CYSRT1: variants seen among roughly 807,000 people sequenced by gnomAD.
CYSRT1 encodes cysteine-rich tail protein 1.
A neutral mutation model predicts 6.2 loss-of-function variants in CYSRT1; 7 were observed. The observed-to-expected ratio is 1.13, with a 90% confidence interval of 0.64 to 2.13. The LOEUF is 2.13. Ranked by LOEUF, CYSRT1 falls within the 30% of genes most tolerant of loss-of-function variation. The pLI, the probability that CYSRT1 is intolerant of heterozygous loss-of-function variation, is 0.00. For synonymous variants in CYSRT1, 75 were observed against 83.1 expected, an observed-to-expected ratio of 0.90 and a Z score of 0.53; for missense variants, 188 against 196.4, an observed-to-expected ratio of 0.96 and a Z score of 0.26.
Position 137,225,803 on chromosome 9 carries a change from C to T in CYSRT1, c.182C>T (p.Thr61Ile). The T allele has an allele frequency of 6.5e-7, 1 of 1,549,582 alleles. No homozygotes were observed. Among genetic ancestry groups the T allele is most frequent in the East Asian group, 2.4e-5 (1 of 40,924 alleles). The change falls in exon 2 of 2, where the codon ACC becomes ATC. Residue 61 changes from threonine to isoleucine, a missense_variant. Coordinates refer to ENST00000650725, the MANE Select transcript of CYSRT1 (RefSeq NM_199001.5). ...GAGCCAACCCACCTCTTGCAGCCGA[C>T]CGAGGTCCCAGGGCCCAAGGGCGCC... The part of the protein sequence containing the change: ...APEPTHLLQP[T>I]EVPGPKGAKG...
chr9:137,226,209 G>T lies in CYSRT1; in HGVS notation c.*153G>T, dbSNP rs764127077. ...GCTCAGACCCACCAGGAAGGTGGCC[G>T]TTCAGCCCGAGCTCCTGAAACGGAA... On this transcript the variant is annotated 3_prime_UTR_variant, in exon 2 of 2. Transcript: ENST00000650725. The T allele has an allele frequency of 1.4e-6, 2 of 1,389,144 alleles. No individual in the cohort carries two copies. Among genetic ancestry groups the T allele is most frequent in the Non-Finnish European group, 1.9e-6 (2 of 1,045,282 alleles). 86.1% of individuals were successfully genotyped at this position (1,389,144 alleles called of 1,614,324 possible). A position where few individuals can be genotyped will look rare whatever the true frequency, so the allele number is the denominator to read the frequency against.
chr9:137,225,675 C>A lies in CYSRT1; in HGVS notation c.54C>A (p.Pro18=). 6.4e-7 allele frequency: 1 copy of A among 1,550,466 alleles called. No homozygotes were observed. The highest frequency in any genetic ancestry group is 1.4e-5 in the African/African-American group (1 of 73,172). Residue 18 remains proline (P), a synonymous_variant, in exon 2 of 2, where the codon CCC becomes CCA. Transcript: ENST00000650725. Reference sequence around the variant, plus strand: ...ACCCATATGCCCACATCAGCATCCCCCGGGCTCACCTGCGGCCTGACCTGG... The same window carrying A: ...ACCCATATGCCCACATCAGCATCCCACGGGCTCACCTGCGGCCTGACCTGG... The part of the protein sequence containing the change: ...VKNPYAHISI[P]RAHLRPDLGQ...
rs1361497570 is a variant in CYSRT1 at position 137,225,740 on chromosome 9, C to T, written c.119C>T (p.Ser40Leu). The change falls in exon 2 of 2, where the codon TCG becomes TTG. Residue 40 changes from serine to leucine, a missense_variant. Ser to Leu is a moderately radical substitution (Grantham distance 145). Transcript: ENST00000650725. ...LEVASTCSSSSEMQPLPVGPC... is the reference protein window; with the variant it reads ...LEVASTCSSSLEMQPLPVGPC... The stretch of plus-strand genomic sequence containing the variant: ...GTGGCTTCCACCTGTTCCTCATCCT[C>T]GGAGATGCAGCCCCTGCCAGTGGGG... 8.4e-6 allele frequency: 13 copies of T among 1,550,148 alleles called. No homozygotes were observed. Among genetic ancestry groups the T allele is most frequent in the Admixed American group, 7.8e-5 (4 of 50,970 alleles).
rs1425895097 is a variant in CYSRT1 at position 137,226,064 on chromosome 9, C to G, written c.*8C>G. ...TGCTGTGTCATCTCCTAGCCCAGCC[C>G]ACCCTGCCAGGGCCAGGACCCAGAC... On this transcript the variant is annotated 3_prime_UTR_variant, in exon 2 of 2. Transcript: ENST00000650725. 6.5e-7 allele frequency: 1 copy of G among 1,544,478 alleles called. No homozygotes were observed. The highest frequency in any genetic ancestry group is 2.0e-5 in the Admixed American group (1 of 50,804).
At position 137,226,272 on chromosome 9, in the gene CYSRT1, C is replaced by T; in HGVS notation, c.*216C>T. 1 of 823,336 alleles carries T rather than the reference C, an allele frequency of 1.2e-6. No individual in the cohort carries two copies. The highest frequency in any genetic ancestry group is 1.9e-6 in the Non-Finnish European group (1 of 536,994). 51.0% of individuals were successfully genotyped at this position (823,336 alleles called of 1,614,324 possible). On this transcript the variant is annotated 3_prime_UTR_variant, in exon 2 of 2. Coordinates refer to ENST00000650725, the MANE Select transcript of CYSRT1 (RefSeq NM_199001.5). Reference sequence around the variant, plus strand: ...GCTGGAGAGGGACACCCCTGATTACCTTAAGGCCCAGGCAATAAAGCAGGG... The same window carrying T: ...GCTGGAGAGGGACACCCCTGATTACTTTAAGGCCCAGGCAATAAAGCAGGG...
In CYSRT1 at chr9:137,225,951, C is replaced by T. The variant is rs1345293482; in HGVS notation, c.330C>T (p.Arg110=). 1.2e-5 allele frequency: 19 copies of T among 1,548,106 alleles called. No homozygotes were observed. The highest frequency in any genetic ancestry group is 5.5e-5 in the African/African-American group (4 of 73,046). Residue 110 remains arginine, a synonymous_variant, in exon 2 of 2, where the codon CGC becomes CGT. Transcript: ENST00000650725. ...ACGCTGGCCCTCCGCCCGCGGGGCGCGGGGATGACATCGCCCACCACTGCT... is the reference window on the plus strand; with the variant it reads ...ACGCTGGCCCTCCGCCCGCGGGGCGTGGGGATGACATCGCCCACCACTGCT... ...LTYAGPPPAG[R]GDDIAHHCCC... is the part of the protein sequence containing the mutation.
Position 137,225,848 on chromosome 9 carries a change from C to T in CYSRT1, c.227C>T (p.Ala76Val). The change falls in exon 2 of 2, where the codon GCC becomes GTC. Residue 76 changes from alanine (A) to valine (V), a missense_variant. Coordinates refer to ENST00000650725, the MANE Select transcript of CYSRT1 (RefSeq NM_199001.5). Reference protein sequence around the residue: ...PKGAKGNQGAAPIQNQQAWQQ... With the variant: ...PKGAKGNQGAVPIQNQQAWQQ... Reference sequence around the variant, plus strand: ...GGCGCCAAGGGTAACCAGGGGGCTGCCCCCATCCAGAACCAGCAGGCCTGG... The same window carrying T: ...GGCGCCAAGGGTAACCAGGGGGCTGTCCCCATCCAGAACCAGCAGGCCTGG... The T allele has an allele frequency of 6.5e-7, 1 of 1,547,004 alleles. No homozygotes were observed.
chr9:137,226,267 A>C lies in CYSRT1; in HGVS notation c.*211A>C. 1 of 874,140 alleles carries C rather than the reference A, an allele frequency of 1.1e-6. No individual in the cohort carries two copies. The highest frequency in any genetic ancestry group is 1.7e-6 in the Non-Finnish European group (1 of 580,748). 54.1% of individuals were successfully genotyped at this position (874,140 alleles called of 1,614,324 possible). On this transcript the variant is annotated 3_prime_UTR_variant, in exon 2 of 2. Coordinates refer to ENST00000650725, the MANE Select transcript of CYSRT1 (RefSeq NM_199001.5). ...TCCTGGCTGGAGAGGGACACCCCTGATTACCTTAAGGCCCAGGCAATAAAG... is the reference window on the plus strand; with the variant it reads ...TCCTGGCTGGAGAGGGACACCCCTGCTTACCTTAAGGCCCAGGCAATAAAG...
In CYSRT1 at chr9:137,225,732, C is replaced by T. The variant is rs1397943825; in HGVS notation, c.111C>T (p.Ser37=). The T allele has an allele frequency of 6.5e-7, 1 of 1,550,324 alleles. No homozygotes were observed. The highest frequency in any genetic ancestry group is 1.2e-5 in the South Asian group (1 of 84,062). ...AGTTAGAGGTGGCTTCCACCTGTTCCTCATCCTCGGAGATGCAGCCCCTGC... is the reference window on the plus strand; with the variant it reads ...AGTTAGAGGTGGCTTCCACCTGTTCTTCATCCTCGGAGATGCAGCCCCTGC... ...GQQLEVASTC[S]SSSEMQPLPV... is the part of the protein sequence containing the mutation. Residue 37 remains serine (S), a synonymous_variant, in exon 2 of 2, where the codon TCC becomes TCT. Coordinates refer to ENST00000650725, the MANE Select transcript of CYSRT1 (RefSeq NM_199001.5).
rs1835957663 is a variant in CYSRT1, at chr9:137,225,761, TGGGGCCCTGTGCC to T, written c.141_153del (p.Gly48GlnfsTer49). 6.5e-6 allele frequency: 10 copies of T among 1,549,950 alleles called. No homozygotes were observed. Among genetic ancestry groups the T allele is most frequent in the Non-Finnish European group, 8.7e-6 (10 of 1,146,892 alleles). ...TCCTCGGAGATGCAGCCCCTGCCAG[TGGGGCCCTGTGCC>T]CCAGAGCCAACCCACCTCTTGCAGC... On this transcript the variant is annotated frameshift_variant, in exon 2 of 2. Coordinates refer to ENST00000650725, the MANE Select transcript of CYSRT1 (RefSeq NM_199001.5). LOFTEE classifies it low-confidence loss of function (END_TRUNC).
Position 137,225,230 on chromosome 9 carries a change from A to C in CYSRT1, c.-12A>C. 6.5e-7 allele frequency: 1 copy of C among 1,549,552 alleles called. No homozygotes were observed. The highest frequency in any genetic ancestry group is 2.4e-5 in the East Asian group (1 of 40,922). ...GAGGACAGACTGCCGTGTTGCCACC[A>C]CAGGTAAGCCCTTGGCCGCCGGGAC... On this transcript the variant is annotated 5_prime_UTR_variant, in exon 1 of 2. Coordinates refer to ENST00000650725, the MANE Select transcript of CYSRT1 (RefSeq NM_199001.5).
Position 137,226,187 on chromosome 9 carries a change from C to T in CYSRT1, c.*131C>T. On this transcript the variant is annotated 3_prime_UTR_variant, in exon 2 of 2. Transcript: ENST00000650725. ...CCCCTTCACACCAGGCACTGGGGCTCAGACCCACCAGGAAGGTGGCCGTTC... is the reference window on the plus strand; with the variant it reads ...CCCCTTCACACCAGGCACTGGGGCTTAGACCCACCAGGAAGGTGGCCGTTC... The T allele has an allele frequency of 6.9e-7, 1 of 1,444,154 alleles. No individual in the cohort carries two copies. Among genetic ancestry groups the T allele is most frequent in the Non-Finnish European group, 9.2e-7 (1 of 1,089,278 alleles). The allele number at this position is 1,444,154 out of a possible 1,614,324, so 89.5% of individuals were successfully genotyped here.
chr9:137,225,810 C>T lies in CYSRT1; in HGVS notation c.189C>T (p.Val63=). 2 of 1,549,296 alleles carry T rather than the reference C, an allele frequency of 1.3e-6. No individual in the cohort carries two copies. Among genetic ancestry groups the T allele is most frequent in the Non-Finnish European group, 1.7e-6 (2 of 1,146,866 alleles). Residue 63 remains valine (V), a synonymous_variant, in exon 2 of 2, where the codon GTC becomes GTT. Coordinates refer to ENST00000650725, the MANE Select transcript of CYSRT1 (RefSeq NM_199001.5). ...EPTHLLQPTE[V]PGPKGAKGNQ... is the part of the protein sequence containing the mutation. ...CCCACCTCTTGCAGCCGACCGAGGTCCCAGGGCCCAAGGGCGCCAAGGGTA... is the reference window on the plus strand; with the variant it reads ...CCCACCTCTTGCAGCCGACCGAGGTTCCAGGGCCCAAGGGCGCCAAGGGTA...
chr9:137,225,487 T>A, intron 1 of CYSRT1, 127 bp from the exon 2 acceptor site: 1 of 1,445,384 alleles, frequency 6.9e-7, no homozygotes, highest in Admixed American at 2.7e-5. Context: ...CCGGCACTGA[T>A]GCCTTGGGGA....
intron 1 of CYSRT1, 48 bp downstream of exon 1, chr9:137,225,281 G>A (rs567136547): frequency 1.4e-6 from 2 of 1,434,418 alleles, no homozygotes; most frequent in East Asian, 2.5e-5. Context: ...GGCACTGCAG[G>A]GTCAGCCCCC....
In CYSRT1 at chr9:137,225,248, G is replaced by A. The variant is rs997768010; in HGVS notation, c.-9+15G>A. 30 of 1,534,916 alleles carry A rather than the reference G, an allele frequency of 2.0e-5. No individual in the cohort carries two copies. The highest frequency in any genetic ancestry group is 5.5e-5 in the African/African-American group (4 of 72,718). On this transcript the variant is annotated intron_variant, in intron 1 of 1. Coordinates refer to ENST00000650725, the MANE Select transcript of CYSRT1 (RefSeq NM_199001.5). ...TGCCACCACAGGTAAGCCCTTGGCC[G>A]CCGGGACTGCCCTGAACTCAGGGGC...
Position 137,226,111 on chromosome 9 carries a change from AG to A in CYSRT1, c.*56del. ...AGACTTCAGCAAATGTGGCTCACACAGTGCCGGGACATGCCGGGACATGCGG... is the reference window on the plus strand; with the variant it reads ...AGACTTCAGCAAATGTGGCTCACACATGCCGGGACATGCCGGGACATGCGG... On this transcript the variant is annotated 3_prime_UTR_variant, in exon 2 of 2. Coordinates refer to ENST00000650725, the MANE Select transcript of CYSRT1 (RefSeq NM_199001.5). The A allele has an allele frequency of 7.9e-6, 12 of 1,526,220 alleles. No homozygotes were observed. Among genetic ancestry groups the A allele is most frequent in the Non-Finnish European group, 9.7e-6 (11 of 1,130,684 alleles). The allele number at this position is 1,526,220 out of a possible 1,614,324, so 94.5% of individuals were successfully genotyped here. A position where few individuals can be genotyped will look rare whatever the true frequency, so the allele number is the denominator to read the frequency against.
At position 137,225,792 on chromosome 9, in the gene CYSRT1, C is replaced by A. The variant is rs1031481474; in HGVS notation, c.171C>A (p.Leu57=). 1 of 1,549,796 alleles carries A rather than the reference C, an allele frequency of 6.5e-7. No homozygotes were observed. The highest frequency in any genetic ancestry group is 8.7e-7 in the Non-Finnish European group (1 of 1,146,850). The change falls in exon 2 of 2, where the codon CTC becomes CTA. Residue 57 remains leucine (L), a synonymous_variant. Coordinates refer to ENST00000650725, the MANE Select transcript of CYSRT1 (RefSeq NM_199001.5). The part of the protein sequence containing the change: ...VGPCAPEPTH[L]LQPTEVPGPK... ...CCTGTGCCCCAGAGCCAACCCACCT[C>A]TTGCAGCCGACCGAGGTCCCAGGGC...
In CYSRT1 at chr9:137,225,205, G is replaced by C. The variant is rs1219899706; in HGVS notation, c.-37G>C. On this transcript the variant is annotated 5_prime_UTR_variant, in exon 1 of 2. Transcript: ENST00000650725. ...TGGGACCTAGAGCTCAGAAGACCGA[G>C]AGGACAGACTGCCGTGTTGCCACCA... 1 of 1,550,302 alleles carries C rather than the reference G, an allele frequency of 6.5e-7. No homozygotes were observed. Among genetic ancestry groups the C allele is most frequent in the Admixed American group, 2.0e-5 (1 of 50,984 alleles).
Sources: gnomAD v4.1 joint callset for allele counts on GRCh38, gnomAD v4.1.1 for gene constraint, MANE v1.5 for transcripts, NCBI Gene and HGNC (gene_info 2026-07-23, HGNC 2026-07-21) for gene names.